The following RNF182 variants were observed in gnomAD, a reference collection of about 807,000 sequenced individuals.
RNF182 encodes ring finger protein 182.
In RNF182, 15 loss-of-function variants were observed where a neutral mutation model predicts 14.4. That is an observed-to-expected ratio of 1.04 (90% CI 0.70 to 1.60). The LOEUF (loss-of-function observed/expected upper bound fraction) is 1.60. Ranked by LOEUF, RNF182 falls within the 40% of genes most tolerant of loss-of-function variation. The probability of loss-of-function intolerance (pLI) is 0.00; values close to 1 mark genes in which losing one functional copy is unlikely to be tolerated. For missense variants in RNF182, 268 were observed against 294.8 expected (o/e 0.91, Z 0.67); for synonymous variants, 128 against 122.9 (o/e 1.04, Z -0.27).
intron 1 of RNF182, among the ~76,000 whole-genome samples, chr6:13,943,872 T>G (rs1759364746): frequency 1.3e-5 from 2 of 152,196 alleles, no homozygotes; most frequent in Admixed American, 6.5e-5. Context: ...TAAAAGACAT[T>G]AAGGGTGATT....
At chr6:13,936,837 A>G (rs533063661) in intron 1 of RNF182, among the ~76,000 whole-genome samples, 1 of 152,334 alleles carries the variant, frequency 6.6e-6, no homozygotes, top group South Asian at 2.1e-4. Flanking sequence ...AAGTGTGGGT[A>G]AAAGAGCTAT....
chr6:13,928,380 T>C (rs977517405), intron 1 of RNF182, among the ~76,000 whole-genome samples: 2 of 152,228 alleles, frequency 1.3e-5, no homozygotes, highest in African/African-American at 2.4e-5. Flanking sequence ...CAACCTCTTA[T>C]AGTTGGGGAC....
rs1219706672 is a variant in RNF182, at chr6:13,976,998, T to C, written c.-122T>C. ...CTGGAAGATTTCTGGTTTCTTTCAC[T>C]ACTTATCCTGCCTTTTTGCATCGCT... On this transcript the variant is annotated 5_prime_UTR_variant, in exon 3 of 3. Coordinates refer to ENST00000488300, the MANE Select transcript of RNF182 (RefSeq NM_152737.4). 2.8e-6 allele frequency: 3 copies of C among 1,064,774 alleles called. No individual in the cohort carries two copies. The highest frequency in any genetic ancestry group is 3.2e-5 in the African/African-American group (2 of 63,034). The allele number at this position is 1,064,774 out of a possible 1,614,324, so 66.0% of individuals were successfully genotyped here.
At chr6:13,949,484 A>C in intron 1 of RNF182, 3 of 595,538 alleles carry the variant, frequency 5.0e-6, no homozygotes, top group Non-Finnish European at 9.2e-6. Flanking sequence ...GGCTGGTTAT[A>C]AGAAAAAATT....
At chr6:13,941,308 G>A (rs920541414) in intron 1 of RNF182, among the ~76,000 whole-genome samples, 5 of 152,014 alleles carry the variant, frequency 3.3e-5, no homozygotes, top group African/African-American at 1.2e-4. Context: ...CCTCTCTGTA[G>A]CTCTCATAAT....
chr6:13,963,175 A>G (rs1759923136), intron 1 of RNF182, among the ~76,000 whole-genome samples: 1 of 152,192 alleles, frequency 6.6e-6, no homozygotes, highest in African/African-American at 2.4e-5. Context: ...TTATCATAAT[A>G]CAAATTATTA....
intron 1 of RNF182, among the ~76,000 whole-genome samples, chr6:13,961,826 C>T (rs1759891886): frequency 6.6e-6 from 1 of 152,024 alleles, no homozygotes; most frequent in East Asian, 1.9e-4. Context: ...TGGAATTGCT[C>T]CTTATGCTGC....
chr6:13,933,941 C>T (rs1449774277), intron 1 of RNF182, among the ~76,000 whole-genome samples: 1 of 152,146 alleles, frequency 6.6e-6, no homozygotes, highest in Non-Finnish European at 1.5e-5. Context: ...TCGCTTGAAC[C>T]TGGGAGGCAG....
intron 1 of RNF182, among the ~76,000 whole-genome samples, chr6:13,927,568 A>G (rs1758860457): frequency 6.6e-6 from 1 of 152,228 alleles, no homozygotes; most frequent in African/African-American, 2.4e-5. Flanking sequence ...AATTCAGTTT[A>G]TGAAGCATAT....
At position 13,977,500 on chromosome 6, in the gene RNF182, C is replaced by T. The variant is rs372439813; in HGVS notation, c.381C>T (p.Asn127=). The change falls in exon 3 of 3, where the codon AAC becomes AAT. Residue 127 remains asparagine (N), a synonymous_variant. Coordinates refer to ENST00000488300, the MANE Select transcript of RNF182 (RefSeq NM_152737.4). The stretch of plus-strand genomic sequence containing the variant: ...TCAGTCCTTCTCACACGTCCTCCAA[C>T]TGCCTGGTCATAACCATCATGGAGG... ...SLVSPSHTSS[N]CLVITIMEVQ... 2.5e-6 allele frequency: 4 copies of T among 1,614,132 alleles called. No individual in the cohort carries two copies. In the East Asian group the frequency reaches 8.9e-5, roughly 36 times the overall value.
chr6:13,976,404 G>A (rs1182185764), intron 2 of RNF182, among the ~76,000 whole-genome samples: 4 of 152,166 alleles, frequency 2.6e-5, no homozygotes, highest in Admixed American at 6.5e-5. Flanking sequence ...ACTTAAATAT[G>A]CTCTTATCTC....
intron 1 of RNF182, 119 bp downstream of exon 1, chr6:13,925,142 G>T (rs576264889): frequency 5.8e-5 from 8 of 137,844 alleles, no homozygotes; most frequent in African/African-American, 1.9e-4. Flanking sequence ...GCGCGCCGAG[G>T]AGAGGGGGCG....
At position 13,977,567 on chromosome 6, in the gene RNF182, GTAGAATTT is replaced by G. The variant is rs1760368886; in HGVS notation, c.451_458del (p.Glu151Ter). The G allele has an allele frequency of 1.9e-6, 3 of 1,614,200 alleles. No homozygotes were observed. The highest frequency in any genetic ancestry group is 8.5e-7 in the Non-Finnish European group (1 of 1,180,034). On this transcript the variant is annotated frameshift_variant, in exon 3 of 3. Coordinates refer to ENST00000488300, the MANE Select transcript of RNF182 (RefSeq NM_152737.4). LOFTEE classifies it high-confidence loss of function. ...CCCGTCCCTGAGCTCCACTCCTGTG[GTAGAATTT>G]TATAGGCCTGCGAGTTTCGACTCTG...
Position 13,977,309 on chromosome 6 carries a change from T to C in RNF182, c.190T>C (p.Cys64Arg), listed in dbSNP as rs758760637. The C allele has an allele frequency of 2.0e-5, 32 of 1,614,116 alleles. No individual in the cohort carries two copies. The highest frequency in any genetic ancestry group is 2.6e-5 in the Non-Finnish European group (31 of 1,180,042). The change falls in exon 3 of 3, where the codon TGT becomes CGT. Residue 64 changes from cysteine to arginine, a missense_variant. By Grantham distance (180) the Cys-to-Arg change is radical. Transcript: ENST00000488300. Reference protein sequence around the residue: ...FGDSPQGVIVCPFCRFETCLP... With the variant: ...FGDSPQGVIVRPFCRFETCLP... ...GGACTCCCCACAAGGTGTCATTGTC[T>C]GTCCTTTCTGCAGGTTTGAGACGTG...
intron 1 of RNF182, among the ~76,000 whole-genome samples, chr6:13,964,163 A>G (rs761499214): frequency 1.3e-5 from 2 of 152,162 alleles, no homozygotes; most frequent in Non-Finnish European, 2.9e-5. Context: ...CTTGAAAGGC[A>G]TTATTTAGGA....
At chr6:13,938,473 T>A (rs546554192) in intron 1 of RNF182, among the ~76,000 whole-genome samples, 1 of 152,164 alleles carries the variant, frequency 6.6e-6, no homozygotes, top group Non-Finnish European at 1.5e-5. Flanking sequence ...CATTTATACA[T>A]CTTCTTTTAA....
intron 1 of RNF182, among the ~76,000 whole-genome samples, chr6:13,934,023 CA>C: frequency 6.6e-6 from 1 of 151,662 alleles, no homozygotes; most frequent in East Asian, 1.9e-4. Flanking sequence ...GTCTCAAAAA[CA>C]GGAAAAAAAA....
chr6:13,935,264 C>T (rs1585030727), intron 1 of RNF182, among the ~76,000 whole-genome samples: 1 of 151,892 alleles, frequency 6.6e-6, no homozygotes, highest in African/African-American at 2.4e-5. Context: ...TTGATACCAT[C>T]GTCACTAGAC....
At chr6:13,974,522 A>G (rs1412871071) in intron 2 of RNF182, among the ~76,000 whole-genome samples, 158 bp downstream of exon 2, 1 of 152,230 alleles carries the variant, frequency 6.6e-6, no homozygotes, top group African/African-American at 2.4e-5. Flanking sequence ...CTGTGACAAA[A>G]CAAAGCTTTG....
Sources: gnomAD v4.1 joint callset for allele counts (sites outside exome capture counted in the v4.1 genomes callset) on GRCh38, gnomAD v4.1.1 for gene constraint, MANE v1.5 for transcripts, NCBI Gene and HGNC (gene_info 2026-07-23, HGNC 2026-07-21) for gene names.